USP25: variants seen among roughly 807,000 people sequenced by gnomAD.
The protein encoded by USP25 is ubiquitin specific peptidase 25.
A neutral mutation model predicts 158.5 loss-of-function variants in USP25; 85 were observed. The ratio of observed to expected loss-of-function variants is 0.54; its 90% CI spans 0.45 to 0.64. USP25 has a LOEUF of 0.64. USP25 is among the 30% of genes least tolerant of loss of function. The pLI, the probability that USP25 is intolerant of heterozygous loss-of-function variation, is 0.00. For synonymous variants in USP25, 464 were observed against 460.4 expected (o/e 1.01, Z -0.10); for missense variants, 1,242 against 1,327.3 (o/e 0.94, Z 1.00).
intron 14 of USP25, among the ~76,000 whole-genome samples, chr21:15,827,869 T>G (rs1016121163): frequency 4.2e-5 from 6 of 141,484 alleles, no homozygotes; most frequent in Non-Finnish European, 9.1e-5. Flanking sequence ...CTATTTTTTC[T>G]TTTTTTTCAG....
intron 1 of USP25, among the ~76,000 whole-genome samples, chr21:15,734,551 A>G (rs930332162): frequency 1.3e-5 from 2 of 152,148 alleles, no homozygotes; most frequent in Admixed American, 1.3e-4. Flanking sequence ...CTTTTAAATG[A>G]ATTCACATCA....
At chr21:15,825,124 T>A (rs1386944249) in intron 12 of USP25, 63 bp downstream of exon 12, 1 of 1,256,614 alleles carries the variant, frequency 8.0e-7, no homozygotes, top group African/African-American at 1.5e-5. Flanking sequence ...GTGACTAGAT[T>A]TTTAATTTCA....
chr21:15,811,358 A>G, intron 9 of USP25, 148 bp downstream of exon 9: 1 of 666,530 alleles, frequency 1.5e-6, no homozygotes, highest in Non-Finnish European at 2.5e-6. Flanking sequence ...ACTGTTATTC[A>G]CATAAAGCAC....
intron 1 of USP25, among the ~76,000 whole-genome samples, chr21:15,752,357 A>G (rs1227472305): frequency 6.6e-6 from 1 of 152,038 alleles, no homozygotes; most frequent in Non-Finnish European, 1.5e-5. Flanking sequence ...CTGGGACTAC[A>G]GGCGCCTGCC....
At chr21:15,853,688 G>A (rs1171506207) in intron 20 of USP25, among the ~76,000 whole-genome samples, 2 of 151,942 alleles carry the variant, frequency 1.3e-5, no homozygotes, top group Non-Finnish European at 2.9e-5. Flanking sequence ...TGGGCTTTCT[G>A]CGTTCTGTAT....
At chr21:15,819,157 A>G (rs2037102748) in intron 10 of USP25, among the ~76,000 whole-genome samples, 1 of 152,214 alleles carries the variant, frequency 6.6e-6, no homozygotes, top group Admixed American at 6.5e-5. Context: ...GATATAAAGA[A>G]GAAAAATCCT....
intron 1 of USP25, among the ~76,000 whole-genome samples, chr21:15,760,009 C>A (rs1425577248): frequency 6.6e-6 from 1 of 152,214 alleles, no homozygotes; most frequent in Non-Finnish European, 1.5e-5. Context: ...TATCTCAGCT[C>A]TGTAAAACCA....
chr21:15,771,613 A>G (rs2034357174), intron 3 of USP25, among the ~76,000 whole-genome samples: 4 of 151,880 alleles, frequency 2.6e-5, no homozygotes, highest in African/African-American at 7.3e-5. Flanking sequence ...GCACATCCTG[A>G]TGTTCATATT....
At chr21:15,788,219 A>G (rs949962267) in intron 4 of USP25, among the ~76,000 whole-genome samples, 2 of 151,486 alleles carry the variant, frequency 1.3e-5, no homozygotes, top group South Asian at 2.1e-4. Flanking sequence ...TAGCCACTGC[A>G]TGTCTTATAC....
intron 9 of USP25, among the ~76,000 whole-genome samples, chr21:15,812,748 T>G (rs185346142): frequency 9.8e-5 from 15 of 152,334 alleles, no homozygotes; most frequent in Admixed American, 9.2e-4. Flanking sequence ...AAAGGTGGCC[T>G]TAATACGTTT....
chr21:15,801,173 A>G (rs2036115904), intron 6 of USP25, among the ~76,000 whole-genome samples: 2 of 151,744 alleles, frequency 1.3e-5, no homozygotes, highest in South Asian at 4.1e-4. Context: ...ATGTATATGC[A>G]TCTTGACCAT....
At chr21:15,827,759 CGTGTGCGTGTGTGTGT>C (rs2037586901) in intron 14 of USP25, among the ~76,000 whole-genome samples, 2 of 102,626 alleles carry the variant, frequency 1.9e-5, no homozygotes, top group Non-Finnish European at 4.1e-5. Context: ...CACTTGTGTG[CGTGTGCGTGTGTGTGT>C]GTGTGTGTGT....
At chr21:15,743,558 G>T (rs2032260467) in intron 1 of USP25, among the ~76,000 whole-genome samples, 1 of 152,184 alleles carries the variant, frequency 6.6e-6, no homozygotes, top group Non-Finnish European at 1.5e-5. Context: ...GCTGGAGGTA[G>T]CCTTGGAAAA....
chr21:15,781,011 A>T (rs2034930357), intron 4 of USP25, among the ~76,000 whole-genome samples: 2 of 152,244 alleles, frequency 1.3e-5, no homozygotes, highest in Admixed American at 6.5e-5. Context: ...AAAAGTAAGA[A>T]ATATGACACA....
intron 23 of USP25, 54 bp from the exon 24 acceptor site, chr21:15,874,347 CTT>C (rs1207410870): frequency 2.1e-6 from 3 of 1,458,426 alleles, no homozygotes; most frequent in Admixed American, 2.1e-5. Flanking sequence ...TTATAGCTGA[CTT>C]TGTTTCTACA....
chr21:15,745,756 G>A (rs563636722), intron 1 of USP25, among the ~76,000 whole-genome samples: 7 of 152,260 alleles, frequency 4.6e-5, no homozygotes, highest in Non-Finnish European at 8.8e-5. Flanking sequence ...GATTACAGGC[G>A]TGAGCCACCA....
chr21:15,856,287 C>T (rs1437475293), intron 20 of USP25, among the ~76,000 whole-genome samples: 1 of 152,150 alleles, frequency 6.6e-6, no homozygotes, highest in Non-Finnish European at 1.5e-5. Flanking sequence ...GACTTGTAAA[C>T]TAGTAATACA....
chr21:15,848,720 CTG>C (rs1221212287), intron 19 of USP25, among the ~76,000 whole-genome samples: 2 of 152,050 alleles, frequency 1.3e-5, no homozygotes, highest in African/African-American at 4.8e-5. Flanking sequence ...AGACATATCA[CTG>C]TACCAGTGTA....
chr21:15,834,552 C>T (rs1325241351), intron 17 of USP25, among the ~76,000 whole-genome samples: 2 of 152,072 alleles, frequency 1.3e-5, no homozygotes, highest in African/African-American at 4.8e-5. Flanking sequence ...CCTGGTTGGG[C>T]TTCAGCATTA....
Sources: gnomAD v4.1 joint callset for allele counts (sites outside exome capture counted in the v4.1 genomes callset) on GRCh38, gnomAD v4.1.1 for gene constraint, MANE v1.5 for transcripts, NCBI Gene and HGNC (gene_info 2026-07-23, HGNC 2026-07-21) for gene names.